Variants in ST7 observed in about 807,000 individuals in gnomAD.
The protein encoded by ST7 is suppression of tumorigenicity 7.
ST7 carries 28 observed loss-of-function variants against 78.7 expected under a neutral mutation model. The observed-to-expected ratio is 0.36, with a 90% CI of 0.26 to 0.49. The LOEUF is 0.49. Ranked by LOEUF, ST7 falls within the 20% of genes least tolerant of loss-of-function variation. The pLI is 0.99. For synonymous variants in ST7, 247 were observed against 249.6 expected, an observed-to-expected ratio of 0.99 and a Z score of 0.10; for missense variants, 418 against 696.0, an observed-to-expected ratio of 0.60 and a Z score of 4.49.
chr7:117,089,305 C>T (rs778899440), intron 1 of ST7, among the ~76,000 whole-genome samples: 14 of 152,172 alleles, frequency 9.2e-5, no homozygotes, highest in East Asian at 3.8e-4. Context: ...CCTGGCCACA[C>T]GTTGAATATG....
intron 6 of ST7, among the ~76,000 whole-genome samples, chr7:117,133,606 C>T (rs557245412): frequency 4.0e-5 from 6 of 151,054 alleles, no homozygotes; most frequent in African/African-American, 7.3e-5. Context: ...GACATGGGGA[C>T]GGTGATAGGG....
In ST7 at chr7:117,131,737, T is replaced by C. The variant is rs568758648; in HGVS notation, c.566-148T>C. The C allele has an allele frequency of 2.2e-4, 150 of 689,580 alleles. 2 individuals are homozygous for C. The South Asian group carries it at 2.5e-3, about 12-fold the overall frequency. The allele number at this position is 689,580 out of a possible 1,614,324, so 42.7% of individuals were successfully genotyped here. On this transcript the variant is annotated intron_variant, in intron 5 of 15. Transcript: ENST00000323984. ...GGAATAGCACATTAATACACTAATATGACTTTGGAGATTTTGGCCAACCCT... is the reference window on the plus strand; with the variant it reads ...GGAATAGCACATTAATACACTAATACGACTTTGGAGATTTTGGCCAACCCT...
rs1804992415 is a variant in ST7, at chr7:117,138,534, T to G, written c.963+2T>G. On this transcript the variant is annotated splice_donor_variant, in intron 9 of 15. Coordinates refer to ENST00000323984, the MANE Select transcript of ST7 (RefSeq NM_001369598.1). LOFTEE classifies it high-confidence loss of function. ...GAAGCAGTGAAAATGATGAGAGATG[T>G]GAGTTTGAGTTTGTGTTTGGGATCA... is the stretch of plus-strand genomic sequence containing the variant. 6.3e-7 allele frequency: 1 copy of G among 1,589,204 alleles called. No homozygotes were observed. Among genetic ancestry groups the G allele is most frequent in the Non-Finnish European group, 8.6e-7 (1 of 1,165,550 alleles).
intron 9 of ST7, among the ~76,000 whole-genome samples, chr7:117,161,317 G>A (rs34656305): frequency 0.13 from 20,120 of 152,040 alleles, 1,408 homozygotes; most frequent in Non-Finnish European, 0.15. Flanking sequence ...ATATAAAAAT[G>A]TATGCAGAAT....
chr7:117,202,613 C>G (rs1563164889), intron 12 of ST7, among the ~76,000 whole-genome samples: 1 of 152,192 alleles, frequency 6.6e-6, no homozygotes. Flanking sequence ...TTGTCCCCAT[C>G]ACCTGGACTC....
intron 10 of ST7, among the ~76,000 whole-genome samples, chr7:117,187,356 T>A (rs1809360051): frequency 2.0e-5 from 3 of 151,964 alleles, no homozygotes; most frequent in Admixed American, 1.3e-4. Flanking sequence ...ATTTTGGTTA[T>A]TTTTTTTAAG....
At chr7:117,058,836 T>C (rs1798198591) in intron 1 of ST7, among the ~76,000 whole-genome samples, 1 of 152,152 alleles carries the variant, frequency 6.6e-6, no homozygotes, top group Non-Finnish European at 1.5e-5. Flanking sequence ...ATGTGGTACA[T>C]ATACACAATG....
chr7:117,129,756 C>T lies in ST7; in HGVS notation c.395-37C>T, dbSNP rs1342435477. The T allele has an allele frequency of 1.9e-6, 3 of 1,558,242 alleles. No individual in the cohort carries two copies. The South Asian group carries it at 3.4e-5, about 17-fold the overall frequency. ...TTAATTAGCTTGTAGTGTCACTGAA[C>T]TTACGCGTAACATTTTCATATTTCT... On this transcript the variant is annotated intron_variant, in intron 3 of 15. Transcript: ENST00000323984.
At chr7:117,105,323 G>A (rs1379520209) in intron 2 of ST7, among the ~76,000 whole-genome samples, 1 of 152,158 alleles carries the variant, frequency 6.6e-6, no homozygotes, top group Non-Finnish European at 1.5e-5. Context: ...GGAAGGTCAC[G>A]CAGGCTGCAG....
At chr7:117,214,357 A>C (rs1029152080) in intron 13 of ST7, among the ~76,000 whole-genome samples, 7 of 152,180 alleles carry the variant, frequency 4.6e-5, no homozygotes, top group African/African-American at 1.4e-4. Flanking sequence ...AGGGGAACTA[A>C]GGCAGAGTAT....
chr7:117,194,954 G>A (rs1027178114), intron 12 of ST7, among the ~76,000 whole-genome samples: 7 of 152,136 alleles, frequency 4.6e-5, no homozygotes, highest in Admixed American at 6.5e-5. Flanking sequence ...TTTGGAGGAT[G>A]TTACATTAAC....
At chr7:117,206,890 T>C (rs73470841) in intron 12 of ST7, among the ~76,000 whole-genome samples, 16 of 152,216 alleles carry the variant, frequency 1.1e-4, no homozygotes, top group African/African-American at 2.7e-4. Flanking sequence ...CATGGAAATA[T>C]TCCCTGCATT....
intron 1 of ST7, among the ~76,000 whole-genome samples, chr7:117,095,489 A>G (rs1800960981): frequency 6.6e-6 from 1 of 152,198 alleles, no homozygotes; most frequent in African/African-American, 2.4e-5. Flanking sequence ...TTTACTGATT[A>G]ATTAAATGAG....
chr7:117,138,078 ATCAGG>A, intron 8 of ST7, among the ~76,000 whole-genome samples: 1 of 152,174 alleles, frequency 6.6e-6, no homozygotes, highest in Non-Finnish European at 1.5e-5. Flanking sequence ...AAAATAGTTC[ATCAGG>A]ATGTAACCTG....
intron 1 of ST7, among the ~76,000 whole-genome samples, chr7:117,033,352 G>T (rs1796701160): frequency 6.6e-6 from 1 of 152,056 alleles, no homozygotes; most frequent in Non-Finnish European, 1.5e-5. Context: ...CTAAGGGGAT[G>T]AGATGAATGA....
intron 10 of ST7, 84 bp downstream of exon 10, chr7:117,171,060 T>C: frequency 1.3e-6 from 1 of 759,216 alleles, no homozygotes; most frequent in South Asian, 2.5e-5. Context: ...TCATTTCAAA[T>C]AGCACAGCAC....
intron 1 of ST7, among the ~76,000 whole-genome samples, chr7:117,092,982 G>T (rs1800747580): frequency 1.3e-5 from 2 of 152,186 alleles, no homozygotes; most frequent in African/African-American, 4.8e-5. Flanking sequence ...AAGACTTGAA[G>T]AAAAGGAATA....
chr7:117,016,236 CA>C (rs1795608700), intron 1 of ST7, among the ~76,000 whole-genome samples: 1 of 152,102 alleles, frequency 6.6e-6, no homozygotes, highest in Admixed American at 6.6e-5. Context: ...ATAAGATTAG[CA>C]TGCCAGAATT....
intron 1 of ST7, among the ~76,000 whole-genome samples, chr7:116,998,459 G>C (rs951683249): frequency 6.6e-6 from 1 of 152,228 alleles, no homozygotes; most frequent in Non-Finnish European, 1.5e-5. Flanking sequence ...TGCAGCGGCG[G>C]GCTGAAGGGC....
Sources: allele counts gnomAD v4.1 joint callset (sites outside exome capture counted in the v4.1 genomes callset), GRCh38; gene constraint gnomAD v4.1.1; transcripts MANE v1.5; gene names NCBI Gene and HGNC (gene_info 2026-07-23, HGNC 2026-07-21).